Variants in BBS5 observed in about 807,000 individuals in gnomAD.
BBS5 encodes the protein BBSome complex member BBS5.
A neutral mutation model predicts 50.2 loss-of-function variants in BBS5; 39 were observed. That is an observed-to-expected ratio of 0.78 (90% CI 0.60 to 1.01). The LOEUF (loss-of-function observed/expected upper bound fraction) is 1.01, where lower values mean the gene tolerates loss of function less well. BBS5 is among the 50% of genes least tolerant of loss of function. BBS5 has a pLI of 0.00. For synonymous variants in BBS5, 134 were observed against 133.1 expected, an observed-to-expected ratio of 1.01 and a Z score of -0.05; for missense variants, 356 against 401.5, an observed-to-expected ratio of 0.89 and a Z score of 0.97.
intron 5 of BBS5, 67 bp from the exon 6 acceptor site, chr2:169,492,803 TAGTA>T (rs1683623381): frequency 1.5e-6 from 2 of 1,325,678 alleles, no homozygotes; most frequent in African/African-American, 1.5e-5. Flanking sequence ...CTACATATTT[TAGTA>T]AGTAAACATA....
intron 3 of BBS5, 66 bp downstream of exon 3, chr2:169,487,200 C>G: frequency 5.9e-6 from 6 of 1,010,680 alleles, no homozygotes; most frequent in Non-Finnish European, 9.5e-6. Context: ...TGCATGGTGC[C>G]TTTGATACCA....
Position 169,503,142 on chromosome 2 carries a change from A to G in BBS5, c.864A>G (p.Val288=). ...ALTVEQIQDD[V]EIDSDGHTDA... is the part of the protein sequence containing the mutation. The stretch of plus-strand genomic sequence containing the variant: ...CAGTCGAACAAATTCAAGATGATGT[A>G]GAAATAGACTCTGATGGTCACACGG... Residue 288 remains valine, a synonymous_variant, in exon 10 of 12, where the codon GTA becomes GTG. Coordinates refer to ENST00000295240, the MANE Select transcript of BBS5 (RefSeq NM_152384.3). The G allele has an allele frequency of 1.9e-6, 3 of 1,614,020 alleles. No homozygotes were observed. Among genetic ancestry groups the G allele is most frequent in the Non-Finnish European group, 2.5e-6 (3 of 1,179,898 alleles).
At chr2:169,504,269 C>T (rs368061692) in intron 10 of BBS5, 34 bp from the exon 11 acceptor site, 1 of 1,596,906 alleles carries the variant, frequency 6.3e-7, no homozygotes, top group East Asian at 2.2e-5. Context: ...ATTATATGTC[C>T]AGTTTGTGAA....
At chr2:169,485,528 A>G (rs1323177457) in intron 2 of BBS5, among the ~76,000 whole-genome samples, 3 of 152,160 alleles carry the variant, frequency 2.0e-5, no homozygotes, top group Non-Finnish European at 2.9e-5. Context: ...GTCCTCCCCA[A>G]TTCCAATCCT....
At chr2:169,502,456 T>G (rs998829498) in intron 9 of BBS5, among the ~76,000 whole-genome samples, 16 of 152,204 alleles carry the variant, frequency 1.1e-4, no homozygotes, top group Non-Finnish European at 2.2e-4. Flanking sequence ...TATTTTATCA[T>G]TTTGACTGAT....
chr2:169,503,649 T>C (rs1036871342), intron 10 of BBS5, among the ~76,000 whole-genome samples: 5 of 152,262 alleles, frequency 3.3e-5, no homozygotes. Context: ...TTAATTTTTA[T>C]GAAATGTTCA....
chr2:169,486,940 A>G, intron 2 of BBS5, 129 bp from the exon 3 acceptor site: 2 of 741,206 alleles, frequency 2.7e-6, no homozygotes, highest in Non-Finnish European at 4.9e-6. Context: ...CAATATTTTC[A>G]GTTAATATAT....
At chr2:169,504,192 G>A in intron 10 of BBS5, 111 bp from the exon 11 acceptor site, 1 of 974,838 alleles carries the variant, frequency 1.0e-6, no homozygotes, top group African/African-American at 1.6e-5. Flanking sequence ...GTAACAGAAT[G>A]TGAAATACAT....
chr2:169,492,734 GA>G lies in BBS5; in HGVS notation c.387-137del, dbSNP rs1330721281. The G allele has an allele frequency of 4.7e-5, 39 of 834,790 alleles. No individual in the cohort carries two copies. The South Asian group carries it at 7.3e-4, about 16-fold the overall frequency. The allele number at this position is 834,790 out of a possible 1,614,324, so 51.7% of individuals were successfully genotyped here. A position where few individuals can be genotyped will look rare whatever the true frequency, so the allele number is the denominator to read the frequency against. ...TCTCTATAAGAACAATTTTTAAAAA[GA>G]AATAAAAATATTAAAATGTATCATA... On this transcript the variant is annotated intron_variant, in intron 5 of 11. Coordinates refer to ENST00000295240, the MANE Select transcript of BBS5 (RefSeq NM_152384.3).
At chr2:169,485,733 G>C (rs959714715) in intron 2 of BBS5, among the ~76,000 whole-genome samples, 9 of 152,132 alleles carry the variant, frequency 5.9e-5, no homozygotes, top group Admixed American at 1.3e-4. Flanking sequence ...CTTGTATAGA[G>C]TACATCTAAG....
chr2:169,502,414 T>C (rs562654101), intron 9 of BBS5, among the ~76,000 whole-genome samples: 1 of 152,358 alleles, frequency 6.6e-6, no homozygotes, highest in East Asian at 1.9e-4. Flanking sequence ...TTATAACTGC[T>C]TTTTGTAGGT....
At chr2:169,485,973 C>T (rs1683481255) in intron 2 of BBS5, among the ~76,000 whole-genome samples, 1 of 152,196 alleles carries the variant, frequency 6.6e-6, no homozygotes, top group Non-Finnish European at 1.5e-5. Flanking sequence ...CTTGAGTGTG[C>T]CATCTGTTTT....
chr2:169,504,582 A>G lies in BBS5; in HGVS notation c.1026A>G (p.Ter342TrpextTer5), dbSNP rs1241544659. The stretch of plus-strand genomic sequence containing the variant: ...AGGGACTTTGGGAAGTAATGAGTTG[A>G]TTGACCTTGAGTTGAGATGGATTTC... ...TLQGLWEVMS[*>W] The change falls in exon 12 of 12, where the codon TGA becomes TGG. Residue 342 changes from the stop codon to tryptophan, a stop_lost. Transcript: ENST00000295240. The G allele has an allele frequency of 6.2e-7, 1 of 1,600,332 alleles. No individual in the cohort carries two copies. The highest frequency in any genetic ancestry group is 8.6e-7 in the Non-Finnish European group (1 of 1,167,536).
intron 7 of BBS5, 108 bp from the exon 8 acceptor site, chr2:169,497,519 C>G (rs1414296164): frequency 1.4e-6 from 1 of 717,116 alleles, no homozygotes; most frequent in African/African-American, 1.8e-5. Context: ...GAATTCTGTT[C>G]TTTAGACTAT....
chr2:169,492,488 CA>C (rs111566391), intron 5 of BBS5, among the ~76,000 whole-genome samples: 1,370 of 95,206 alleles, frequency 0.014, 2 homozygotes, highest in East Asian at 0.033. Context: ...GACTCCATCT[CA>C]AAAAAAAAAA....
chr2:169,480,670 C>CTTTTTTTTTT (rs577688589), intron 1 of BBS5, among the ~76,000 whole-genome samples: 8 of 73,168 alleles, frequency 1.1e-4, no homozygotes, highest in Admixed American at 2.2e-4. Flanking sequence ...TTCTGTCATT[C>CTTTTTTTTTT]TTTTTTTTTT....
At chr2:169,493,907 C>A in intron 7 of BBS5, 71 bp downstream of exon 7, 1 of 999,842 alleles carries the variant, frequency 1.0e-6, no homozygotes, top group Non-Finnish European at 1.5e-6. Context: ...GTTAATTGGA[C>A]TTTTAGATGA....
intron 7 of BBS5, among the ~76,000 whole-genome samples, chr2:169,497,098 T>C (rs1683707361): frequency 1.3e-5 from 2 of 152,192 alleles, no homozygotes; most frequent in Admixed American, 6.5e-5. Context: ...GAAAGGAGGA[T>C]TGCTTGAAGC....
chr2:169,502,185 C>T (rs187502827), intron 9 of BBS5, among the ~76,000 whole-genome samples: 3 of 152,266 alleles, frequency 2.0e-5, no homozygotes, highest in Admixed American at 1.3e-4. Context: ...AGTGAATATT[C>T]ATAGTTGTTG....
Sources: allele counts gnomAD v4.1 joint callset (sites outside exome capture counted in the v4.1 genomes callset), GRCh38; gene constraint gnomAD v4.1.1; transcripts MANE v1.5; gene names NCBI Gene and HGNC (gene_info 2026-07-23, HGNC 2026-07-21).